The following NDST4 variants were observed in gnomAD, a reference collection of about 807,000 sequenced individuals.
The protein encoded by NDST4 is N-heparan sulfate sulfotransferase 4.
A neutral mutation model predicts 100.8 loss-of-function variants in NDST4; 63 were observed. The observed-to-expected ratio is 0.62, with a 90% CI of 0.51 to 0.77. The LOEUF is 0.77. NDST4 is among the 30% of genes least tolerant of loss of function. The pLI is 0.00. For missense variants in NDST4, 943 were observed against 1,018.4 expected, an observed-to-expected ratio of 0.93 and a Z score of 1.01; for synonymous variants, 377 against 361.8, an observed-to-expected ratio of 1.04 and a Z score of -0.48.
chr4:114,921,757 G>C (rs972265123), intron 6 of NDST4, among the ~76,000 whole-genome samples: 1 of 152,122 alleles, frequency 6.6e-6, no homozygotes, highest in Non-Finnish European at 1.5e-5. Context: ...TGGGTTATTA[G>C]ATGATGCACT....
rs541823660 is a variant in NDST4, at chr4:114,850,043, GT to G, written c.1817-1706del. Among the ~76,000 whole-genome samples the G allele has an allele frequency of 6.6e-5, 10 of 152,148 alleles. No homozygotes were observed. The East Asian group carries it at 1.4e-3, about 21-fold the overall frequency. ...CTGGAAGGAAACATGAAATCTAGAA[GT>G]TTTTTTTAAAAATACTTTTTAAGAT... On this transcript the variant is annotated intron_variant, in intron 8 of 13. Coordinates refer to ENST00000264363, the MANE Select transcript of NDST4 (RefSeq NM_022569.3).
chr4:114,927,367 G>A (rs1448445804), intron 6 of NDST4, among the ~76,000 whole-genome samples: 2 of 151,942 alleles, frequency 1.3e-5, no homozygotes, highest in African/African-American at 2.4e-5. Context: ...CAAAATTTCT[G>A]TTTGGACAGC....
chr4:115,012,189 G>T (rs1183445670), intron 2 of NDST4, among the ~76,000 whole-genome samples: 1 of 151,836 alleles, frequency 6.6e-6, no homozygotes, highest in Middle Eastern at 3.2e-3. Context: ...TAAAACAAAT[G>T]ATAATTTATC....
chr4:115,049,838 T>C (rs1728546319), intron 2 of NDST4, among the ~76,000 whole-genome samples: 1 of 152,274 alleles, frequency 6.6e-6, no homozygotes, highest in Middle Eastern at 3.4e-3. Context: ...ATGTAAAACA[T>C]ATGTTTTGTG....
At chr4:114,858,514 C>T (rs1265528228) in intron 7 of NDST4, among the ~76,000 whole-genome samples, 1 of 152,284 alleles carries the variant, frequency 6.6e-6, no homozygotes, top group East Asian at 1.9e-4. Flanking sequence ...ATGGAAAGGC[C>T]ACTTGAAAGA....
At chr4:115,015,636 G>C (rs1299020962) in intron 2 of NDST4, among the ~76,000 whole-genome samples, 1 of 152,062 alleles carries the variant, frequency 6.6e-6, no homozygotes, top group Non-Finnish European at 1.5e-5. Flanking sequence ...GTTCACTAAA[G>C]GGTGACCTCA....
chr4:114,848,276 G>C lies in NDST4; in HGVS notation c.1879C>G (p.Pro627Ala), dbSNP rs755294425. 1.2e-6 allele frequency: 2 copies of C among 1,609,470 alleles called. No individual in the cohort carries two copies. Among genetic ancestry groups the C allele is most frequent in the Non-Finnish European group, 1.7e-6 (2 of 1,177,182 alleles). ...AACTGAACTTCCTCAAATGTCTTTG[G>C]ACTAGGGAGATTGCTGATGATTGAA... ...HPSIISNLPS[P>A]KTFEEVQFFN... is the part of the protein sequence containing the mutation. Residue 627 changes from proline (P) to alanine (A), a missense_variant, in exon 9 of 14, where the codon CCA becomes GCA. Around this residue, in one of 2 missense-constraint regions of NDST4, gnomAD observed 526 missense variants for 634.1 expected, o/e 0.83. Transcript: ENST00000264363.
At chr4:115,071,869 T>C (rs955061811) in intron 2 of NDST4, among the ~76,000 whole-genome samples, 1 of 152,152 alleles carries the variant, frequency 6.6e-6, no homozygotes, top group African/African-American at 2.4e-5. Flanking sequence ...CTAGAATATT[T>C]TTTCTATGGA....
chr4:114,961,715 A>T (rs1327346004), intron 4 of NDST4, among the ~76,000 whole-genome samples: 1 of 144,572 alleles, frequency 6.9e-6, no homozygotes, highest in Non-Finnish European at 1.5e-5. Context: ...TCACACAAAT[A>T]AAAGCAAGGA....
chr4:114,970,216 T>C (rs1726479649), intron 4 of NDST4, among the ~76,000 whole-genome samples: 1 of 150,854 alleles, frequency 6.6e-6, no homozygotes. Context: ...TTTTGAAATA[T>C]ATTTTCTATA....
chr4:115,049,815 T>C (rs1728545926), intron 2 of NDST4, among the ~76,000 whole-genome samples: 1 of 152,108 alleles, frequency 6.6e-6, no homozygotes, highest in South Asian at 2.1e-4. Context: ...GTGGGAAGTT[T>C]AAAATTCAGG....
chr4:114,894,950 AG>A (rs1358829629), intron 6 of NDST4, among the ~76,000 whole-genome samples: 2 of 152,130 alleles, frequency 1.3e-5, no homozygotes, highest in African/African-American at 4.8e-5. Flanking sequence ...TTTAACATGA[AG>A]GGGTGTTGAA....
At position 114,888,216 on chromosome 4, in the gene NDST4, A is replaced by T. The variant is rs1011342028; in HGVS notation, c.1537-17266T>A. On this transcript the variant is annotated intron_variant, in intron 6 of 13. Transcript: ENST00000264363. Reference sequence around the variant, plus strand: ...GACTCTATCTCAAAATAAATAAATAAATAATTTAATTTAATTAAAATATAT... The same window carrying T: ...GACTCTATCTCAAAATAAATAAATATATAATTTAATTTAATTAAAATATAT... 9.3e-4 allele frequency among the ~76,000 whole-genome samples: 140 copies of T among 150,856 alleles called. 1 individual carries two copies. The highest frequency in any genetic ancestry group is 2.5e-4 in the Non-Finnish European group (17 of 67,758).
chr4:114,937,263 T>C (rs1419760670), intron 5 of NDST4, 55 bp downstream of exon 5: 1 of 1,585,264 alleles, frequency 6.3e-7, no homozygotes, highest in East Asian at 2.2e-5. Context: ...CCCTCTGTCT[T>C]CATTCCACAT....
chr4:114,941,398 G>A lies in NDST4; in HGVS notation c.1222-3895C>T, dbSNP rs540057328. 2.0e-5 allele frequency among the ~76,000 whole-genome samples: 3 copies of A among 150,322 alleles called. No individual in the cohort carries two copies. The South Asian group carries it at 6.5e-4, about 33-fold the overall frequency. On this transcript the variant is annotated intron_variant, in intron 4 of 13. Coordinates refer to ENST00000264363, the MANE Select transcript of NDST4 (RefSeq NM_022569.3). ...TACAAAAGGGGTTTGATTTTAATAT[G>A]CATGTTTCTGAACTGGATCTCCTGT...
At chr4:114,840,002 A>G (rs1339332697) in intron 10 of NDST4, among the ~76,000 whole-genome samples, 1 of 152,196 alleles carries the variant, frequency 6.6e-6, no homozygotes, top group Non-Finnish European at 1.5e-5. Context: ...TTTTAAGAGT[A>G]GTCTTACATG....
At chr4:114,868,839 A>C (rs1724086688) in intron 7 of NDST4, among the ~76,000 whole-genome samples, 1 of 151,418 alleles carries the variant, frequency 6.6e-6, no homozygotes, top group Admixed American at 6.6e-5. Flanking sequence ...GAAAATTTGT[A>C]AACTCTATGT....
chr4:114,957,561 A>C (rs1403193636), intron 4 of NDST4, among the ~76,000 whole-genome samples: 1 of 152,184 alleles, frequency 6.6e-6, no homozygotes, highest in Admixed American at 6.5e-5. Flanking sequence ...TCATGTCCTC[A>C]CATTTCAAAA....
At chr4:114,960,855 G>T (rs1434824216) in intron 4 of NDST4, among the ~76,000 whole-genome samples, 2 of 152,002 alleles carry the variant, frequency 1.3e-5, no homozygotes, top group African/African-American at 4.8e-5. Flanking sequence ...AGTTTGTGTA[G>T]AAACCTATAA....
Sources: gnomAD v4.1 joint callset for allele counts (sites outside exome capture counted in the v4.1 genomes callset) on GRCh38, gnomAD v4.1.1 for gene constraint, gnomAD v4.1.1 regional missense constraint, MANE v1.5 for transcripts, NCBI Gene and HGNC (gene_info 2026-07-23, HGNC 2026-07-21) for gene names.